Variants in NPSR1 observed in about 807,000 individuals in gnomAD.
The protein encoded by NPSR1 is neuropeptide S receptor 1.
NPSR1 carries 48 observed loss-of-function variants against 46.9 expected under a neutral mutation model. That is an observed-to-expected ratio of 1.02 (90% CI 0.81 to 1.30). The LOEUF (loss-of-function observed/expected upper bound fraction) is 1.30. NPSR1 is among the 50% of genes most tolerant of loss of function. The pLI is 0.00. For missense variants in NPSR1, 450 were observed against 449.5 expected, an observed-to-expected ratio of 1.00 and a Z score of -0.01; for synonymous variants, 176 against 168.1, an observed-to-expected ratio of 1.05 and a Z score of -0.36.
intron 3 of NPSR1, among the ~76,000 whole-genome samples, chr7:34,803,484 G>C (rs184427830): frequency 6.6e-6 from 1 of 151,636 alleles, no homozygotes; most frequent in African/African-American, 2.4e-5. Flanking sequence ...ATCAAACACC[G>C]CAGGTTCGCA....
At chr7:34,792,703 A>ATTTTTATATATATATG (rs1207987148) in intron 3 of NPSR1, among the ~76,000 whole-genome samples, 6 of 88,564 alleles carry the variant, frequency 6.8e-5, no homozygotes, top group African/African-American at 2.3e-4. Context: ...ATATATACGT[A>ATTTTTATATATATATG]TATATATATA....
intron 5 of NPSR1, among the ~76,000 whole-genome samples, chr7:34,830,706 A>T (rs1262279699): frequency 1.3e-5 from 2 of 152,230 alleles, no homozygotes; most frequent in African/African-American, 4.8e-5. Context: ...AAAAAGAAAA[A>T]GCACAAATAA....
chr7:34,677,316 C>T (rs765790082), intron 1 of NPSR1, among the ~76,000 whole-genome samples: 1 of 152,144 alleles, frequency 6.6e-6, no homozygotes, highest in Non-Finnish European at 1.5e-5. Flanking sequence ...TGCCGACGCT[C>T]TATGTGAAAA....
intron 1 of NPSR1, among the ~76,000 whole-genome samples, chr7:34,659,752 T>C (rs946898538): frequency 6.6e-6 from 1 of 152,248 alleles, no homozygotes; most frequent in East Asian, 1.9e-4. Flanking sequence ...GCTTAGAAAG[T>C]AAAATTAGAG....
chr7:34,795,102 T>C (rs1397248467), intron 3 of NPSR1, among the ~76,000 whole-genome samples: 1 of 152,136 alleles, frequency 6.6e-6, no homozygotes, highest in African/African-American at 2.4e-5. Flanking sequence ...AAAGTAAGAC[T>C]GGTTCAACAC....
chr7:34,854,027 G>A (rs567301167), downstream of NPSR1, among the ~76,000 whole-genome samples: 11 of 151,756 alleles, frequency 7.2e-5, no homozygotes, highest in South Asian at 2.1e-3. Flanking sequence ...CATAGAAATC[G>A]AGAGGCAATT....
intron 2 of NPSR1, among the ~76,000 whole-genome samples, chr7:34,703,216 A>G (rs916493367): frequency 1.4e-4 from 22 of 152,270 alleles, no homozygotes; most frequent in African/African-American, 2.2e-4. Flanking sequence ...AAAATCAGCC[A>G]GGCGTGGTGG....
chr7:34,714,519 G>A (rs188095810), intron 2 of NPSR1, among the ~76,000 whole-genome samples: 275 of 152,280 alleles, frequency 1.8e-3, no homozygotes, highest in Non-Finnish European at 3.2e-3. Flanking sequence ...AGAAGTGACC[G>A]TAAAACTCTC....
At chr7:34,792,679 A>ATATATATTTT (rs1562733206) in intron 3 of NPSR1, among the ~76,000 whole-genome samples, 42 of 121,940 alleles carry the variant, frequency 3.4e-4, no homozygotes, top group Non-Finnish European at 5.7e-4. Context: ...ATATATGTAT[A>ATATATATTTT]TATATATATG....
intron 2 of NPSR1, among the ~76,000 whole-genome samples, chr7:34,770,706 C>A (rs1026642636): frequency 5.9e-5 from 9 of 152,032 alleles, no homozygotes; most frequent in Non-Finnish European, 1.2e-4. Context: ...ACATGGGGAC[C>A]TGACAAGAGG....
intron 3 of NPSR1, among the ~76,000 whole-genome samples, chr7:34,802,162 T>C (rs1360894407): frequency 2.7e-5 from 4 of 150,406 alleles, no homozygotes; most frequent in African/African-American, 5.0e-5. Context: ...ATAGATTCAA[T>C]GCCATCCCCA....
chr7:34,776,797 A>G (rs548159069), intron 2 of NPSR1, among the ~76,000 whole-genome samples: 2 of 152,214 alleles, frequency 1.3e-5, no homozygotes, highest in African/African-American at 4.8e-5. Flanking sequence ...TGCCAGGACT[A>G]TGTCCTTCCC....
intron 7 of NPSR1, 126 bp from the exon 8 acceptor site, chr7:34,848,357 A>T (rs936161936): frequency 1.5e-5 from 11 of 758,188 alleles, no homozygotes; most frequent in Middle Eastern, 5.0e-4. Flanking sequence ...ACAACATCAA[A>T]CTCCAATATT....
At chr7:34,872,176 T>G (rs1001714014) in intron 8 of NPSR1, among the ~76,000 whole-genome samples, 1 of 151,986 alleles carries the variant, frequency 6.6e-6, no homozygotes, top group African/African-American at 2.4e-5. Flanking sequence ...ACGTGACAAC[T>G]GCCAAGGCAT....
intron 1 of NPSR1, among the ~76,000 whole-genome samples, chr7:34,678,825 C>CAAAAA (rs61537015): frequency 2.1e-4 from 29 of 139,882 alleles, no homozygotes; most frequent in African/African-American, 3.5e-4. Flanking sequence ...GACTCTGTCT[C>CAAAAA]AAAAAAAAGA....
At chr7:34,763,768 C>G (rs36013861) in intron 2 of NPSR1, among the ~76,000 whole-genome samples, 3 of 152,182 alleles carry the variant, frequency 2.0e-5, no homozygotes, top group African/African-American at 7.2e-5. Context: ...AAACTCTCAA[C>G]TGCATCTTCT....
At chr7:34,871,500 T>C (rs1479602305) in intron 8 of NPSR1, 1 of 151,770 alleles carries the variant, frequency 6.6e-6, no homozygotes, top group Non-Finnish European at 1.5e-5. Context: ...CAATCATACC[T>C]TTCCAGTAGT....
At chr7:34,729,197 A>G (rs1476605437) in intron 2 of NPSR1, among the ~76,000 whole-genome samples, 1 of 152,152 alleles carries the variant, frequency 6.6e-6, no homozygotes, top group Non-Finnish European at 1.5e-5. Context: ...TGATGCCTAC[A>G]GACTGCTTGG....
intron 2 of NPSR1, among the ~76,000 whole-genome samples, chr7:34,760,229 T>G (rs972845243): frequency 6.6e-6 from 1 of 152,224 alleles, no homozygotes; most frequent in African/African-American, 2.4e-5. Flanking sequence ...GGACTTATGT[T>G]AAGACACACC....
Sources: gnomAD v4.1 joint callset for allele counts (sites outside exome capture counted in the v4.1 genomes callset) on GRCh38, gnomAD v4.1.1 for gene constraint, MANE v1.5 for transcripts, NCBI Gene and HGNC (gene_info 2026-07-23, HGNC 2026-07-21) for gene names.